RAB31: variants seen among roughly 807,000 people sequenced by gnomAD.
RAB31 encodes the protein RAB31, member RAS oncogene family, also known as ras-related protein Rab-31.
RAB31 carries 21 observed loss-of-function variants against 25.6 expected under a neutral mutation model. That is an observed-to-expected ratio of 0.82 (90% CI 0.58 to 1.18). RAB31 has a LOEUF of 1.18. Among genes scored for constraint, RAB31 ranks in the 50% most tolerant of loss-of-function variants. The pLI is 0.00. For missense variants in RAB31, 196 were observed against 250.1 expected (o/e 0.78, Z 1.46); for synonymous variants, 87 against 84.0 (o/e 1.04, Z -0.20).
intron 2 of RAB31, among the ~76,000 whole-genome samples, chr18:9,782,122 C>T (rs1396227978): frequency 1.3e-5 from 2 of 152,226 alleles, no homozygotes. Flanking sequence ...TCATGCCATT[C>T]CCGCTAGGTA....
chr18:9,826,193 A>G (rs980711370), intron 5 of RAB31, among the ~76,000 whole-genome samples: 7 of 81,276 alleles, frequency 8.6e-5, no homozygotes, highest in Non-Finnish European at 1.7e-4. Context: ...CCTGGCCAAC[A>G]TGATGAAACC....
At chr18:9,774,673 A>T (rs895891451) in intron 1 of RAB31, among the ~76,000 whole-genome samples, 1 of 152,226 alleles carries the variant, frequency 6.6e-6, no homozygotes, top group East Asian at 1.9e-4. Context: ...GCGTGCATTG[A>T]ATTTCCAGTG....
At chr18:9,728,562 G>C (rs997555503) in intron 1 of RAB31, among the ~76,000 whole-genome samples, 1 of 152,032 alleles carries the variant, frequency 6.6e-6, no homozygotes, top group African/African-American at 2.4e-5. Flanking sequence ...TTTTGAGACA[G>C]GGGCTCATTC....
At chr18:9,813,792 C>T (rs950955432) in intron 3 of RAB31, among the ~76,000 whole-genome samples, 3 of 152,028 alleles carry the variant, frequency 2.0e-5, no homozygotes, top group African/African-American at 7.3e-5. Context: ...GTGGAGGTTG[C>T]AGTGAGCCAA....
At chr18:9,749,937 A>T (rs1253304918) in intron 1 of RAB31, among the ~76,000 whole-genome samples, 1 of 152,162 alleles carries the variant, frequency 6.6e-6, no homozygotes, top group Non-Finnish European at 1.5e-5. Context: ...AAGAAAATTG[A>T]GCTCGTGACC....
rs148886864 is a variant in RAB31 at position 9,827,180 on chromosome 18, A to G, written c.380+11958A>G. On this transcript the variant is annotated intron_variant, in intron 5 of 6. Coordinates refer to ENST00000578921, the MANE Select transcript of RAB31 (RefSeq NM_006868.4). ...ATTGGCCTTCATTTCATGGCTTCTA[A>G]TGGAACTGCTTTTCAAGCTCAGGGG... 5.9e-5 allele frequency among the ~76,000 whole-genome samples: 9 copies of G among 152,066 alleles called. No homozygotes were observed. The East Asian group carries it at 1.4e-3, about 23-fold the overall frequency.
intron 6 of RAB31, 148 bp downstream of exon 6, chr18:9,845,839 G>A: frequency 1.1e-5 from 14 of 1,221,212 alleles, no homozygotes; most frequent in South Asian, 1.8e-5. Flanking sequence ...CTATGCAGTT[G>A]TTAATACCCA....
At chr18:9,826,891 C>T (rs1468945395) in intron 5 of RAB31, among the ~76,000 whole-genome samples, 2 of 152,140 alleles carry the variant, frequency 1.3e-5, no homozygotes, top group Non-Finnish European at 2.9e-5. Flanking sequence ...AAGAGCATAT[C>T]CTATCCCACC....
intron 1 of RAB31, among the ~76,000 whole-genome samples, chr18:9,769,877 A>G (rs9948184): frequency 0.33 from 49,673 of 152,102 alleles, 8,556 homozygotes; most frequent in Non-Finnish European, 0.39. Flanking sequence ...TAGTTTATTG[A>G]GAGTTTTTAG....
intron 1 of RAB31, among the ~76,000 whole-genome samples, chr18:9,726,644 A>G (rs1214684904): frequency 6.6e-6 from 1 of 152,166 alleles, no homozygotes; most frequent in African/African-American, 2.4e-5. Flanking sequence ...CTCTTTATAT[A>G]CTTTGCTACG....
intron 5 of RAB31, among the ~76,000 whole-genome samples, chr18:9,821,534 A>G (rs1003363068): frequency 2.6e-5 from 4 of 152,142 alleles, no homozygotes; most frequent in Non-Finnish European, 5.9e-5. Flanking sequence ...TGCACATGAC[A>G]TGATTATCTA....
chr18:9,766,164 GGGA>G lies in RAB31; in HGVS notation c.40-9109_40-9107del, dbSNP rs1206655913. On this transcript the variant is annotated intron_variant, in intron 1 of 6. Transcript: ENST00000578921. This position sits in a 1 kb window ranked among gnomAD's most constrained non-coding sequence, Gnocchi z 4.3. ...ACCCTGGTTTTGGGGCTGTAGAAAG[GGGA>G]GGAGTAGCCATCCAGTAACCCTGGC... Among the ~76,000 whole-genome samples, 1 of 152,148 alleles carries G rather than the reference GGGA, an allele frequency of 6.6e-6. No individual in the cohort carries two copies. Among genetic ancestry groups the G allele is most frequent in the Non-Finnish European group, 1.5e-5 (1 of 68,012 alleles).
intron 6 of RAB31, among the ~76,000 whole-genome samples, chr18:9,857,872 A>G (rs2068827032): frequency 1.3e-5 from 2 of 151,848 alleles, no homozygotes; most frequent in South Asian, 2.1e-4. Flanking sequence ...TACAAAAAAA[A>G]AAAAAAATTT....
intron 1 of RAB31, among the ~76,000 whole-genome samples, chr18:9,771,164 C>G (rs149727632): frequency 6.6e-6 from 1 of 152,122 alleles, no homozygotes; most frequent in South Asian, 2.1e-4. Context: ...GAGCAAGACC[C>G]TCTCTCTTAA....
intron 1 of RAB31, among the ~76,000 whole-genome samples, chr18:9,748,878 G>A (rs1599022988): frequency 2.0e-5 from 3 of 149,766 alleles, no homozygotes; most frequent in East Asian, 3.9e-4. Flanking sequence ...GCGACAGAGC[G>A]AGACTCTGTC....
At chr18:9,761,208 C>G (rs2068286866) in intron 1 of RAB31, among the ~76,000 whole-genome samples, 1 of 152,114 alleles carries the variant, frequency 6.6e-6, no homozygotes, top group African/African-American at 2.4e-5. Flanking sequence ...GAGTAGACTC[C>G]TGTAGGAATA....
At chr18:9,800,080 T>C (rs1033848983) in intron 3 of RAB31, among the ~76,000 whole-genome samples, 1 of 152,216 alleles carries the variant, frequency 6.6e-6, no homozygotes, top group Non-Finnish European at 1.5e-5. Context: ...GAGCGGTCCA[T>C]AGCCGACAGA....
At chr18:9,813,471 T>G (rs1227742497) in intron 3 of RAB31, among the ~76,000 whole-genome samples, 2 of 152,218 alleles carry the variant, frequency 1.3e-5, no homozygotes, top group Non-Finnish European at 2.9e-5. Flanking sequence ...TAAAATTTGT[T>G]TTTGGCCTTT....
rs117495982 is a variant in RAB31 at position 9,838,033 on chromosome 18, C to T, written c.381-7549C>T. On this transcript the variant is annotated intron_variant, in intron 5 of 6. Coordinates refer to ENST00000578921, the MANE Select transcript of RAB31 (RefSeq NM_006868.4). Reference sequence around the variant, plus strand: ...TGCCATGCTGTCATCCTCACTGAGACGGCTTTGCAAAGATTCATTTAAGAA... The same window carrying T: ...TGCCATGCTGTCATCCTCACTGAGATGGCTTTGCAAAGATTCATTTAAGAA... 4.7e-4 allele frequency among the ~76,000 whole-genome samples: 71 copies of T among 152,286 alleles called. No homozygotes were observed. The East Asian group carries it at 0.01, about 22-fold the overall frequency.
Sources: gnomAD v4.1 joint callset for allele counts (sites outside exome capture counted in the v4.1 genomes callset) on GRCh38, gnomAD v4.1.1 for gene constraint, Gnocchi (gnomAD v3.1) non-coding constraint, MANE v1.5 for transcripts, NCBI Gene and HGNC (gene_info 2026-07-23, HGNC 2026-07-21) for gene names.